The following ISYNA1 variants were observed in gnomAD, a reference collection of about 807,000 sequenced individuals.
ISYNA1 encodes MI-1-P synthase.
In ISYNA1, 34 loss-of-function variants were observed where a neutral mutation model predicts 50.3. That is an observed-to-expected ratio of 0.68 (90% CI 0.51 to 0.90). The LOEUF (loss-of-function observed/expected upper bound fraction) is 0.90, where lower values mean the gene tolerates loss of function less well. ISYNA1 is among the 40% of genes least tolerant of loss of function. The pLI, the probability that ISYNA1 is intolerant of heterozygous loss-of-function variation, is 0.00. For synonymous variants in ISYNA1, 396 were observed against 349.9 expected (o/e 1.13, Z -1.47); for missense variants, 718 against 784.8 (o/e 0.91, Z 1.02).
chr19:18,435,200 C>CCCTGTGCA (rs1973919517), intron 10 of ISYNA1, 66 bp downstream of exon 10: 3 of 1,592,496 alleles, frequency 1.9e-6, no homozygotes, highest in Non-Finnish European at 2.6e-6. Context: ...GCCCCCCAAG[C>CCCTGTGCA]CCTGTGCATA....
At chr19:18,437,252 C>T (rs996216843) in intron 3 of ISYNA1, 147 bp from the exon 4 acceptor site, 4 of 1,434,958 alleles carry the variant, frequency 2.8e-6, no homozygotes, top group Non-Finnish European at 3.6e-6. Flanking sequence ...AAGCCGCTGC[C>T]CCCAGGCCCC....
At position 18,436,678 on chromosome 19, in the gene ISYNA1, C is replaced by A; in HGVS notation, c.609+6G>T. 6.4e-7 allele frequency: 1 copy of A among 1,573,508 alleles called. No homozygotes were observed. Among genetic ancestry groups the A allele is most frequent in the Non-Finnish European group, 8.6e-7 (1 of 1,161,354 alleles). The stretch of plus-strand genomic sequence containing the variant: ...AGGAAGCAAGGGATGCGGGATGGGA[C>A]AGCACCTGCTGCGCACGCGAGCCTG... On this transcript the variant is annotated splice_donor_region_variant and intron_variant, in intron 5 of 10. Transcript: ENST00000338128.
Position 18,436,497 on chromosome 19 carries a change from A to T in ISYNA1, c.610-18T>A. The T allele has an allele frequency of 6.2e-7, 1 of 1,601,866 alleles. No individual in the cohort carries two copies. The highest frequency in any genetic ancestry group is 8.5e-7 in the Non-Finnish European group (1 of 1,179,506). On this transcript the variant is annotated intron_variant, in intron 5 of 10. Transcript: ENST00000338128. ...TGCTCCAGCTGTGGGTTGGATGGTG[A>T]GGGTGTGGGGAGGATGGAGAGGGTG...
chr19:18,434,764 A>AGT lies in ISYNA1; in HGVS notation c.*147_*148dup. ...AAGCTGGGCGCTCAAGAGTCGGGGA[A>AGT]GTAGAGGGAGGCAGAGTCAGGTCAC... On this transcript the variant is annotated 3_prime_UTR_variant, in exon 11 of 11. Coordinates refer to ENST00000338128, the MANE Select transcript of ISYNA1 (RefSeq NM_016368.5). The AGT allele has an allele frequency of 1.5e-6, 1 of 659,822 alleles. No individual in the cohort carries two copies. The highest frequency in any genetic ancestry group is 1.8e-5 in the South Asian group (1 of 55,824). 40.9% of individuals were successfully genotyped at this position (659,822 alleles called of 1,614,324 possible).
rs769218905 is a variant in ISYNA1 at position 18,436,327 on chromosome 19, C to T, written c.759+3G>A. ...GACCCGCTCCACCCGGGCGTTCGCC[C>T]ACCTCAATGGTGCGCAGCAGGTTCT... is the stretch of plus-strand genomic sequence containing the variant. On this transcript the variant is annotated splice_donor_region_variant and intron_variant, in intron 6 of 10. Coordinates refer to ENST00000338128, the MANE Select transcript of ISYNA1 (RefSeq NM_016368.5). The T allele has an allele frequency of 3.1e-6, 5 of 1,611,572 alleles. No individual in the cohort carries two copies. The African/African-American group carries it at 5.3e-5, about 17-fold the overall frequency.
chr19:18,436,253 G>A lies in ISYNA1; in HGVS notation c.760-6C>T, dbSNP rs750708791. 1.2e-6 allele frequency: 2 copies of A among 1,607,800 alleles called. No homozygotes were observed. The highest frequency in any genetic ancestry group is 8.5e-7 in the Non-Finnish European group (1 of 1,179,804). Reference sequence around the variant, plus strand: ...GGCGACACCTCCAGACCGAGCTGTGGGCAAGGCGGGCAGTCAGCACAGAGC... The same window carrying A: ...GGCGACACCTCCAGACCGAGCTGTGAGCAAGGCGGGCAGTCAGCACAGAGC... On this transcript the variant is annotated splice_region_variant and splice_polypyrimidine_tract_variant and intron_variant, in intron 6 of 10. Transcript: ENST00000338128.
Position 18,434,695 on chromosome 19 carries a change from C to T in ISYNA1, c.*218G>A, listed in dbSNP as rs1973871453. 5.1e-6 allele frequency: 3 copies of T among 591,986 alleles called. No homozygotes were observed. Among genetic ancestry groups the T allele is most frequent in the East Asian group, 2.8e-5 (1 of 35,398 alleles). The allele number at this position is 591,986 out of a possible 1,614,324, so 36.7% of individuals were successfully genotyped here. A position where few individuals can be genotyped will look rare whatever the true frequency, so the allele number is the denominator to read the frequency against. ...GCGAGGCTCCAGGTTCTGGGCTCTCCCTGGGAGTTGGGGTGATGACCATGG... is the reference window on the plus strand; with the variant it reads ...GCGAGGCTCCAGGTTCTGGGCTCTCTCTGGGAGTTGGGGTGATGACCATGG... On this transcript the variant is annotated 3_prime_UTR_variant, in exon 11 of 11. Transcript: ENST00000338128.
intron 3 of ISYNA1, 153 bp downstream of exon 3, chr19:18,437,446 C>G: frequency 1.0e-6 from 1 of 994,508 alleles, no homozygotes; most frequent in Non-Finnish European, 1.3e-6. Context: ...CAGACCCGGG[C>G]AGGTCCCTCG....
rs1393744507 is a variant in ISYNA1, at chr19:18,437,890, C to G, written c.90G>C (p.Thr30=). The G allele has an allele frequency of 3.1e-6, 5 of 1,612,026 alleles. No individual in the cohort carries two copies. In the South Asian group the frequency reaches 5.5e-5, roughly 18 times the overall value. The change falls in exon 2 of 11, where the codon ACG becomes ACC. Residue 30 remains threonine, a synonymous_variant. Coordinates refer to ENST00000338128, the MANE Select transcript of ISYNA1 (RefSeq NM_016368.5). ...AIEAQYEYRT[T]RVSREGGVLK... ...GAACGCCACCCTCGCGGCTGACGCG[C>G]GTCGTCCGGTACTCGTATTGCGCCT... is the stretch of plus-strand genomic sequence containing the variant.
At position 18,436,021 on chromosome 19, in the gene ISYNA1, G is replaced by A; in HGVS notation, c.975+11C>T. The A allele has an allele frequency of 6.2e-7, 1 of 1,613,348 alleles. No homozygotes were observed. On this transcript the variant is annotated intron_variant, in intron 7 of 10. Transcript: ENST00000338128. The stretch of plus-strand genomic sequence containing the variant: ...CCTTCCTGCACTCGGCAGCTCCCTA[G>A]GCCCACGCACCTTGAGGCCGGAGCC...
Position 18,436,735 on chromosome 19 carries a change from G to C in ISYNA1, c.558C>G (p.Ala186=), listed in dbSNP as rs762629715. ...PSVYIPEFIA[A]NQSARADNLI... ...GGTTGTCCGCGCGCGCGCTCTGGTT[G>C]GCCGCGATGAATTCGGGGATGTAAA... is the stretch of plus-strand genomic sequence containing the variant. The change falls in exon 5 of 11, where the codon GCC becomes GCG. Residue 186 remains alanine (A), a synonymous_variant. Transcript: ENST00000338128. 3 of 1,568,400 alleles carry C rather than the reference G, an allele frequency of 1.9e-6. No homozygotes were observed. In the South Asian group the frequency reaches 3.5e-5, roughly 18 times the overall value.
At position 18,435,095 on chromosome 19, in the gene ISYNA1, G is replaced by C; in HGVS notation, c.1495C>G (p.Gln499Glu). ...TTGTGTTCCAGGAGCATGTGGTTCT[G>C]TGGCGGGAGCCCCACGCAGGCCCTG... ...ILRACVGLPP[Q>E]NHMLLEHKME... is the part of the protein sequence containing the mutation. Residue 499 changes from glutamine (Q) to glutamate (E), a missense_variant, in exon 11 of 11, where the codon CAG (glutamine) becomes GAG (glutamate). Coordinates refer to ENST00000338128, the MANE Select transcript of ISYNA1 (RefSeq NM_016368.5). The C allele has an allele frequency of 6.2e-7, 1 of 1,613,424 alleles. No homozygotes were observed. Among genetic ancestry groups the C allele is most frequent in the Non-Finnish European group, 8.5e-7 (1 of 1,179,994 alleles).
chr19:18,436,569 T>C, intron 5 of ISYNA1, 90 bp from the exon 6 acceptor site: 1 of 1,596,346 alleles, frequency 6.3e-7, no homozygotes, highest in Non-Finnish European at 8.5e-7. Context: ...AGGCCTGGGC[T>C]ACTCAGTTCC....
chr19:18,438,093 C>G lies in ISYNA1; in HGVS notation c.-10G>C. 1 of 1,167,550 alleles carries G rather than the reference C, an allele frequency of 8.6e-7. No individual in the cohort carries two copies. Among genetic ancestry groups the G allele is most frequent in the Non-Finnish European group, 1.2e-6 (1 of 868,644 alleles). 72.3% of individuals were successfully genotyped at this position (1,167,550 alleles called of 1,614,324 possible). ...CGTCCCTGCCCCGAACCGCACTCAC[C>G]GGCGCAGAGTCGACTCAGGCAGCGG... On this transcript the variant is annotated splice_region_variant and 5_prime_UTR_variant, in exon 1 of 11. Transcript: ENST00000338128.
Position 18,435,026 on chromosome 19 carries a change from C to T in ISYNA1, c.1564G>A (p.Ala522Thr). 6.2e-7 allele frequency: 1 copy of T among 1,613,570 alleles called. No individual in the cohort carries two copies. The change falls in exon 11 of 11, where the codon GCT becomes ACT. Residue 522 changes from alanine (A) to threonine (T), a missense_variant. Physicochemically the swap from Ala to Thr is moderately conservative, Grantham distance 58. Coordinates refer to ENST00000338128, the MANE Select transcript of ISYNA1 (RefSeq NM_016368.5). ...TTGTTCAACATAGGGTAGGTGGCAG[C>T]CACGGGTCCAACTCGCTTGAGGCTG... ...GPSLKRVGPV[A>T]ATYPMLNKKG...
At position 18,438,105 on chromosome 19, in the gene ISYNA1, G is replaced by C; in HGVS notation, c.-22C>G. On this transcript the variant is annotated 5_prime_UTR_variant, in exon 1 of 11. Transcript: ENST00000338128. ...GAACCGCACTCACCGGCGCAGAGTCGACTCAGGCAGCGGCGGCGGACAGCG... is the reference window on the plus strand; with the variant it reads ...GAACCGCACTCACCGGCGCAGAGTCCACTCAGGCAGCGGCGGCGGACAGCG... 1 of 1,049,502 alleles carries C rather than the reference G, an allele frequency of 9.5e-7. No homozygotes were observed. Among genetic ancestry groups the C allele is most frequent in the Non-Finnish European group, 1.3e-6 (1 of 776,762 alleles). 65.0% of individuals were successfully genotyped at this position (1,049,502 alleles called of 1,614,324 possible).
At position 18,436,696 on chromosome 19, in the gene ISYNA1, C is replaced by T. The variant is rs1289283712; in HGVS notation, c.597G>A (p.Ser199=). ...SARADNLIPG[S]RAQQLEQIRR... ...GATGGGACAGCACCTGCTGCGCACG[C>T]GAGCCTGGGATGAGGTTGTCCGCGC... Residue 199 remains serine, a synonymous_variant, in exon 5 of 11, where the codon TCG becomes TCA. Transcript: ENST00000338128. 1 of 1,568,722 alleles carries T rather than the reference C, an allele frequency of 6.4e-7. No individual in the cohort carries two copies. The highest frequency in any genetic ancestry group is 2.1e-5 in the Admixed American group (1 of 48,588).
chr19:18,437,528 G>C, intron 3 of ISYNA1, 71 bp downstream of exon 3: 1 of 659,386 alleles, frequency 1.5e-6, no homozygotes, highest in Non-Finnish European at 1.8e-6. Context: ...CCCGCCCCCT[G>C]CAGGCTCCCG....
At position 18,436,108 on chromosome 19, in the gene ISYNA1, C is replaced by G; in HGVS notation, c.899G>C (p.Gly300Ala). 1 of 1,612,956 alleles carries G rather than the reference C, an allele frequency of 6.2e-7. No individual in the cohort carries two copies. Among genetic ancestry groups the G allele is most frequent in the Non-Finnish European group, 8.5e-7 (1 of 1,179,908 alleles). The change falls in exon 7 of 11, where the codon GGC becomes GCC. Residue 300 changes from glycine to alanine, a missense_variant. Gly to Ala is a moderately conservative substitution (Grantham distance 60). Coordinates refer to ENST00000338128, the MANE Select transcript of ISYNA1 (RefSeq NM_016368.5). ...ELAWQHRVFV[G>A]GDDFKSGQTK... ...CTGGCCTGACTTGAAGTCATCTCCGCCCACAAAAACCCGGTGCTGCCACGC... is the reference window on the plus strand; with the variant it reads ...CTGGCCTGACTTGAAGTCATCTCCGGCCACAAAAACCCGGTGCTGCCACGC...
Sources: allele counts gnomAD v4.1 joint callset, GRCh38; gene constraint gnomAD v4.1.1; transcripts MANE v1.5; gene names NCBI Gene and HGNC (gene_info 2026-07-23, HGNC 2026-07-21).